The following RGS6 variants were observed in gnomAD, a reference collection of about 807,000 sequenced individuals.
The protein encoded by RGS6 is regulator of G-protein signaling 6.
RGS6 carries 30 observed loss-of-function variants against 78.5 expected under a neutral mutation model. That is an observed-to-expected ratio of 0.38 (90% CI 0.29 to 0.52). The LOEUF is 0.52. RGS6 is among the 20% of genes least tolerant of loss of function. The pLI is 0.85. For missense variants in RGS6, 495 were observed against 609.7 expected (o/e 0.81, Z 1.98); for synonymous variants, 206 against 206.0 (o/e 1.00, Z 0.00).
At chr14:72,227,631 A>G (rs1264260506) in intron 2 of RGS6, among the ~76,000 whole-genome samples, 2 of 152,228 alleles carry the variant, frequency 1.3e-5, no homozygotes, top group Non-Finnish European at 2.9e-5. Context: ...CAGTATTTTT[A>G]AAGAAGGGAG....
At chr14:72,549,587 C>T (rs1000278240) in intron 17 of RGS6, among the ~76,000 whole-genome samples, 14 of 152,208 alleles carry the variant, frequency 9.2e-5, no homozygotes, top group African/African-American at 2.9e-4. Flanking sequence ...GCCGGCTGGG[C>T]GTGGTGGCTC....
intron 2 of RGS6, among the ~76,000 whole-genome samples, chr14:72,144,344 G>C (rs1219353770): frequency 6.6e-6 from 1 of 152,162 alleles, no homozygotes; most frequent in Admixed American, 6.5e-5. Flanking sequence ...TAAAGGAAAA[G>C]TTTGCAAACT....
In RGS6 at chr14:72,565,874, G is replaced by A. The variant is rs1187057136; in HGVS notation, c.*3407G>A. ...ACCAGGAAAGCCTTCCCAGAAGAGGGAAAGGATTAAGGGCTCTCTTCCTTT... is the reference window on the plus strand; with the variant it reads ...ACCAGGAAAGCCTTCCCAGAAGAGGAAAAGGATTAAGGGCTCTCTTCCTTT... On this transcript the variant is annotated 3_prime_UTR_variant, in exon 18 of 18. Coordinates refer to ENST00000553525, the MANE Select transcript of RGS6 (RefSeq NM_001204424.2). The A allele has an allele frequency of 1.3e-5, 2 of 152,234 alleles. No individual in the cohort carries two copies. The highest frequency in any genetic ancestry group is 1.5e-5 in the Non-Finnish European group (1 of 68,072). 9.4% of individuals were successfully genotyped at this position (152,234 alleles called of 1,614,324 possible).
chr14:72,110,867 A>G (rs17179664), intron 2 of RGS6, among the ~76,000 whole-genome samples: 27,303 of 151,922 alleles, frequency 0.18, 2,687 homozygotes, highest in African/African-American at 0.24. Flanking sequence ...ACTGAACCAC[A>G]CCTACATCTT....
chr14:72,151,934 G>T (rs1206200016), intron 2 of RGS6, among the ~76,000 whole-genome samples: 3 of 152,146 alleles, frequency 2.0e-5, no homozygotes, highest in East Asian at 1.9e-4. Context: ...GGGAACTACA[G>T]GTTTTTAATG....
intron 2 of RGS6, among the ~76,000 whole-genome samples, chr14:71,979,055 G>T (rs1468904980): frequency 6.6e-6 from 1 of 151,528 alleles, no homozygotes; most frequent in Non-Finnish European, 1.5e-5. Context: ...TTGCGTAGAG[G>T]TGTTTATAGT....
chr14:72,207,445 G>A (rs847296), intron 2 of RGS6, among the ~76,000 whole-genome samples: 143,319 of 152,266 alleles, frequency 0.94, 67,747 homozygotes, highest in South Asian at 1. Flanking sequence ...TTGTTCATCC[G>A]TACATCTAGA....
intron 3 of RGS6, among the ~76,000 whole-genome samples, chr14:72,412,471 G>A (rs1274909568): frequency 6.6e-6 from 1 of 151,686 alleles, no homozygotes; most frequent in African/African-American, 2.4e-5. Flanking sequence ...TTCTTTATTA[G>A]TCTTGGTAGC....
At chr14:72,011,116 T>G (rs2153229258) in intron 2 of RGS6, among the ~76,000 whole-genome samples, 1 of 152,360 alleles carries the variant, frequency 6.6e-6, no homozygotes, top group East Asian at 1.9e-4. Context: ...TGACAGATCC[T>G]TTTCCTCCTC....
At chr14:72,131,572 G>A (rs2096317322) in intron 2 of RGS6, among the ~76,000 whole-genome samples, 1 of 152,176 alleles carries the variant, frequency 6.6e-6, no homozygotes, top group African/African-American at 2.4e-5. Context: ...ATTGTCAAGT[G>A]CAAAGAAACT....
chr14:72,400,251 G>C (rs561747144), intron 3 of RGS6, among the ~76,000 whole-genome samples: 3 of 152,180 alleles, frequency 2.0e-5, no homozygotes, highest in African/African-American at 7.2e-5. Context: ...TTAAAGAAAA[G>C]AATTTTCAAC....
chr14:72,481,768 A>T (rs1405330128), intron 12 of RGS6, among the ~76,000 whole-genome samples: 2 of 151,796 alleles, frequency 1.3e-5, no homozygotes, highest in Non-Finnish European at 2.9e-5. Flanking sequence ...AGTGTCTCAG[A>T]TAAATGACAC....
At chr14:72,371,868 T>C (rs2083586777) in intron 3 of RGS6, among the ~76,000 whole-genome samples, 1 of 152,216 alleles carries the variant, frequency 6.6e-6, no homozygotes, top group Non-Finnish European at 1.5e-5. Flanking sequence ...GACTCTTTTT[T>C]AGAGAAGGAA....
chr14:72,154,518 C>A (rs2096743138), intron 2 of RGS6, among the ~76,000 whole-genome samples: 1 of 152,122 alleles, frequency 6.6e-6, no homozygotes, highest in African/African-American at 2.4e-5. Context: ...GGGGGGGGTC[C>A]CTGACTTCCA....
chr14:72,015,859 G>A (rs186849635), intron 2 of RGS6, among the ~76,000 whole-genome samples: 9 of 152,050 alleles, frequency 5.9e-5, no homozygotes, highest in Non-Finnish European at 1.3e-4. Context: ...TCTGAGTTTC[G>A]TCTTTTGTGA....
chr14:72,294,465 A>T (rs1359883151), intron 2 of RGS6, among the ~76,000 whole-genome samples: 1 of 152,174 alleles, frequency 6.6e-6, no homozygotes, highest in Non-Finnish European at 1.5e-5. Context: ...CCCTTTATGA[A>T]GTTTGTTCTG....
intron 3 of RGS6, among the ~76,000 whole-genome samples, chr14:72,453,615 C>CAAAAAAA (rs60280790): frequency 5.8e-5 from 3 of 52,066 alleles, no homozygotes; most frequent in African/African-American, 1.3e-4. Flanking sequence ...GACTCCGTCT[C>CAAAAAAA]AAAAAAAAAA....
the RGS6 span, among the ~76,000 whole-genome samples, chr14:72,625,658 G>C: frequency 5.3e-5 from 8 of 152,180 alleles, no homozygotes; most frequent in Non-Finnish European, 8.8e-5. Context: ...ATAAATGTAT[G>C]TGTAGGTACA....
At chr14:72,403,327 G>A (rs1279550314) in intron 3 of RGS6, among the ~76,000 whole-genome samples, 2 of 152,214 alleles carry the variant, frequency 1.3e-5, no homozygotes, top group African/African-American at 4.8e-5. Context: ...AGGACATTAC[G>A]TTAAGTGAAG....
Sources: gnomAD v4.1 joint callset for allele counts (sites outside exome capture counted in the v4.1 genomes callset) on GRCh38, gnomAD v4.1.1 for gene constraint, MANE v1.5 for transcripts, NCBI Gene and HGNC (gene_info 2026-07-23, HGNC 2026-07-21) for gene names.